The following CDH1 variants were observed in gnomAD, a reference collection of about 807,000 sequenced individuals.
The protein encoded by CDH1 is cadherin-1.
A neutral mutation model predicts 84.5 loss-of-function variants in CDH1; 35 were observed. That is an observed-to-expected ratio of 0.41 (90% CI 0.32 to 0.55). The LOEUF (loss-of-function observed/expected upper bound fraction) is 0.55, where lower values mean the gene tolerates loss of function less well. Among genes scored for constraint, CDH1 ranks in the 20% least tolerant of loss-of-function variants. The pLI is 0.19. For missense variants in CDH1, 994 were observed against 1,126.6 expected (o/e 0.88, Z 1.68); for synonymous variants, 417 against 439.0 (o/e 0.95, Z 0.63).
chr16:68,760,393 CA>C (rs1443955067), intron 2 of CDH1, among the ~76,000 whole-genome samples: 1 of 150,944 alleles, frequency 6.6e-6, no homozygotes, highest in Non-Finnish European at 1.5e-5. Flanking sequence ...GGATTACAGG[CA>C]TGAGCCACCA....
intron 13 of CDH1, among the ~76,000 whole-genome samples, chr16:68,823,873 C>A (rs1961244913): frequency 6.6e-6 from 1 of 152,086 alleles, no homozygotes; most frequent in East Asian, 1.9e-4. Flanking sequence ...TACCTTGTCT[C>A]TTTTCATTCT....
chr16:68,808,877 C>A (rs2152130361), intron 5 of CDH1, 29 bp downstream of exon 5: 1 of 1,611,672 alleles, frequency 6.2e-7, no homozygotes. Flanking sequence ...CTTGTTGACA[C>A]CGGGGTAACA....
intron 12 of CDH1, chr16:68,822,584 G>A (rs961448892): frequency 4.1e-6 from 2 of 489,860 alleles, no homozygotes; most frequent in Non-Finnish European, 3.9e-6. Flanking sequence ...CCAACCAATC[G>A]TGAGCTCCCA....
At chr16:68,763,967 G>A (rs1009129745) in intron 2 of CDH1, among the ~76,000 whole-genome samples, 3 of 152,166 alleles carry the variant, frequency 2.0e-5, no homozygotes, top group African/African-American at 4.8e-5. Flanking sequence ...CCAAACCTGG[G>A]CCAGAGCTGG....
chr16:68,750,708 G>GTT (rs760443205), intron 2 of CDH1, among the ~76,000 whole-genome samples: 18 of 136,958 alleles, frequency 1.3e-4, no homozygotes, highest in Non-Finnish European at 1.4e-4. Flanking sequence ...TTTCTCCTTG[G>GTT]TTTTTTTTTT....
At chr16:68,783,833 C>G (rs766466799) in intron 2 of CDH1, among the ~76,000 whole-genome samples, 1 of 152,046 alleles carries the variant, frequency 6.6e-6, no homozygotes. Flanking sequence ...CCTACCACCA[C>G]GCCTGGCTAA....
rs1167108861 is a variant in CDH1 at position 68,737,491 on chromosome 16, G to A, written c.48+28G>A. ...ACCCCGGATCCCCTGACTTGCGAGG[G>A]ACGCATTCGGGCCGCAAGCTCCGCG... On this transcript the variant is annotated intron_variant, in intron 1 of 15. Coordinates refer to ENST00000261769, the MANE Select transcript of CDH1 (RefSeq NM_004360.5). 3 of 1,525,282 alleles carry A rather than the reference G, an allele frequency of 2.0e-6. No homozygotes were observed. In the South Asian group the frequency reaches 3.6e-5, roughly 18 times the overall value. The allele number at this position is 1,525,282 out of a possible 1,614,324, so 94.5% of individuals were successfully genotyped here. A position where few individuals can be genotyped will look rare whatever the true frequency, so the allele number is the denominator to read the frequency against.
At chr16:68,757,863 G>A (rs1395328105) in intron 2 of CDH1, among the ~76,000 whole-genome samples, 2 of 150,056 alleles carry the variant, frequency 1.3e-5, no homozygotes, top group African/African-American at 4.9e-5. Context: ...TACAATTTTG[G>A]CTCACTGCAA....
At chr16:68,743,540 A>G (rs958355948) in intron 2 of CDH1, among the ~76,000 whole-genome samples, 1 of 151,442 alleles carries the variant, frequency 6.6e-6, no homozygotes, top group African/African-American at 2.4e-5. Flanking sequence ...TAATTTTTGT[A>G]TTTTTAGTAG....
chr16:68,789,933 G>T (rs1960163669), intron 2 of CDH1, among the ~76,000 whole-genome samples: 1 of 152,182 alleles, frequency 6.6e-6, no homozygotes. Context: ...GCGCATGCCT[G>T]TAATCCCATC....
In CDH1 at chr16:68,737,384, C is replaced by T. The variant is rs1048595019; in HGVS notation, c.-32C>T. ...CCCGGCCCGACCCGACCGCACCCGG[C>T]GCCTGCCCTCGCTCGGCGTCCCCGG... On this transcript the variant is annotated 5_prime_UTR_variant, in exon 1 of 16. Transcript: ENST00000261769. 5.2e-6 allele frequency: 8 copies of T among 1,526,870 alleles called. No homozygotes were observed. The highest frequency in any genetic ancestry group is 4.8e-5 in the South Asian group (4 of 83,292). The allele number at this position is 1,526,870 out of a possible 1,614,324, so 94.6% of individuals were successfully genotyped here. A position where few individuals can be genotyped will look rare whatever the true frequency, so the allele number is the denominator to read the frequency against.
At chr16:68,827,247 G>A (rs534854255) in intron 13 of CDH1, among the ~76,000 whole-genome samples, 1 of 152,010 alleles carries the variant, frequency 6.6e-6, no homozygotes, top group East Asian at 1.9e-4. Context: ...CTCCAGCCTG[G>A]GCAACAGAGT....
At chr16:68,744,365 C>T (rs1962668744) in intron 2 of CDH1, among the ~76,000 whole-genome samples, 1 of 152,086 alleles carries the variant, frequency 6.6e-6, no homozygotes, top group South Asian at 2.1e-4. Context: ...AAGTGTTTTC[C>T]ACCTTTGGTC....
At chr16:68,827,043 G>T (rs950547747) in intron 13 of CDH1, among the ~76,000 whole-genome samples, 2 of 152,162 alleles carry the variant, frequency 1.3e-5, no homozygotes, top group African/African-American at 4.8e-5. Context: ...GGCCCAGGTG[G>T]GTGGATCACT....
At chr16:68,815,378 A>T in intron 9 of CDH1, 137 bp from the exon 10 acceptor site, 2 of 1,110,194 alleles carry the variant, frequency 1.8e-6, no homozygotes, top group Non-Finnish European at 2.6e-6. Flanking sequence ...TCTGCCATTG[A>T]AAGTCATGGC....
rs547353214 is a variant in CDH1, at chr16:68,807,270, G to T, written c.388-1154G>T. 1.9e-3 allele frequency among the ~76,000 whole-genome samples: 283 copies of T among 152,294 alleles called. 1 individual carries two copies. The highest frequency in any genetic ancestry group is 6.5e-3 in the African/African-American group (271 of 41,568). Reference sequence around the variant, plus strand: ...GAAACCATATAGACATAATGATACAGTGAGATGAAGAGATTTATATTGATC... The same window carrying T: ...GAAACCATATAGACATAATGATACATTGAGATGAAGAGATTTATATTGATC... On this transcript the variant is annotated intron_variant, in intron 3 of 15. Coordinates refer to ENST00000261769, the MANE Select transcript of CDH1 (RefSeq NM_004360.5).
intron 14 of CDH1, 98 bp downstream of exon 14, chr16:68,828,402 T>G: frequency 7.9e-7 from 1 of 1,270,342 alleles, no homozygotes; most frequent in South Asian, 1.2e-5. Context: ...TCTGAATCAC[T>G]TTGGATATTA....
Position 68,801,920 on chromosome 16 carries a change from C to T in CDH1, c.387+27C>T, listed in dbSNP as rs33932809. On this transcript the variant is annotated intron_variant, in intron 3 of 15. Coordinates refer to ENST00000261769, the MANE Select transcript of CDH1 (RefSeq NM_004360.5). Reference sequence around the variant, plus strand: ...TATGTTGGCATTTTTCTGAGAAGTTCGCTGTTGTTTTAGTGCGCTGTCTAA... The same window carrying T: ...TATGTTGGCATTTTTCTGAGAAGTTTGCTGTTGTTTTAGTGCGCTGTCTAA... 1,514 of 1,578,842 alleles carry T rather than the reference C, an allele frequency of 9.6e-4. 6 individuals carry two copies. In the Middle Eastern group the frequency reaches 0.017, roughly 18 times the overall value.
Position 68,808,530 on chromosome 16 carries a change from A to AAAATG in CDH1, c.498_502dup (p.Lys168MetfsTer49). ...GTTATTCCTCCCATCAGCTGCCCAG[A>AAAATG]AAATGAAAAAGGCCCATTTCCTAAA... On this transcript the variant is annotated frameshift_variant, in exon 4 of 16. Transcript: ENST00000261769. LOFTEE classifies it high-confidence loss of function. 1 of 1,614,208 alleles carries AAAATG rather than the reference A, an allele frequency of 6.2e-7. No homozygotes were observed. Among genetic ancestry groups the AAAATG allele is most frequent in the Non-Finnish European group, 8.5e-7 (1 of 1,180,022 alleles).
Sources: allele counts gnomAD v4.1 joint callset (sites outside exome capture counted in the v4.1 genomes callset), GRCh38; gene constraint gnomAD v4.1.1; transcripts MANE v1.5; gene names NCBI Gene and HGNC (gene_info 2026-07-23, HGNC 2026-07-21).